HGS: variants seen among roughly 807,000 people sequenced by gnomAD.
HGS encodes human growth factor-regulated tyrosine kinase substrate.
Under a neutral mutation model 109.7 loss-of-function variants are expected in HGS, and 63 were observed. The ratio of observed to expected loss-of-function variants is 0.57; its 90% CI spans 0.47 to 0.71. HGS has a LOEUF of 0.71. HGS is among the 30% of genes least tolerant of loss of function. The pLI is 0.00. For synonymous variants in HGS, 546 were observed against 437.3 expected (o/e 1.25, Z -3.10); for missense variants, 995 against 1,068.3 (o/e 0.93, Z 0.96).
chr17:81,684,893 T>C, intron 1 of HGS: 1 of 985,072 alleles, frequency 1.0e-6, no homozygotes, highest in Non-Finnish European at 1.2e-6. Context: ...GCCACACAGG[T>C]AGTTCAGTGC....
rs78814570 is a variant in HGS at position 81,696,600 on chromosome 17, C to G, written c.1567-7C>G. 3.8e-6 allele frequency: 6 copies of G among 1,586,014 alleles called. No individual in the cohort carries two copies. In the Admixed American group the frequency reaches 7.0e-5, roughly 19 times the overall value. Reference sequence around the variant, plus strand: ...CGCAGCATAACCAGCATGTTTTTGCCGCACAGGAGTACCTGGAGGTGCAGA... The same window carrying G: ...CGCAGCATAACCAGCATGTTTTTGCGGCACAGGAGTACCTGGAGGTGCAGA... On this transcript the variant is annotated splice_region_variant and splice_polypyrimidine_tract_variant and intron_variant, in intron 16 of 21. Coordinates refer to ENST00000329138, the MANE Select transcript of HGS (RefSeq NM_004712.5).
intron 1 of HGS, 105 bp from the exon 2 acceptor site, chr17:81,685,500 T>G: frequency 1.4e-6 from 1 of 690,066 alleles, no homozygotes; most frequent in Non-Finnish European, 2.5e-6. Context: ...GGTCCAAATG[T>G]CTAAAGGGGA....
Position 81,695,959 on chromosome 17 carries a change from G to A in HGS, c.1353G>A (p.Pro451=), listed in dbSNP as rs141432636. The change falls in exon 15 of 22, where the codon CCG becomes CCA. Residue 451 remains proline (P), a synonymous_variant. Coordinates refer to ENST00000329138, the MANE Select transcript of HGS (RefSeq NM_004712.5). ...SLFQSINGMH[P]QLLELLNQLD... ...TCCAGTCCATCAACGGCATGCACCC[G>A]CAGCTGCTGGAGCTGCTCAACCAGC... 14 of 1,575,214 alleles carry A rather than the reference G, an allele frequency of 8.9e-6. No individual in the cohort carries two copies. The highest frequency in any genetic ancestry group is 2.3e-5 in the South Asian group (2 of 85,126).
rs976526704 is a variant in HGS, at chr17:81,691,799, C to G, written c.662+228C>G. 2.2e-5 allele frequency: 11 copies of G among 497,484 alleles called. No homozygotes were observed. The highest frequency in any genetic ancestry group is 3.6e-5 in the Non-Finnish European group (10 of 276,300). The allele number at this position is 497,484 out of a possible 1,614,324, so 30.8% of individuals were successfully genotyped here. A position where few individuals can be genotyped will look rare whatever the true frequency, so the allele number is the denominator to read the frequency against. ...GGCGCCGCGGCTCCAGGGACCGAGG[C>G]TGCCCCGACAAACCTGTTGCTTGGG... is the stretch of plus-strand genomic sequence containing the variant. On this transcript the variant is annotated intron_variant, in intron 8 of 21. Transcript: ENST00000329138. This position sits in a 1 kb window ranked among gnomAD's most constrained non-coding sequence, Gnocchi z 5.3.
chr17:81,691,165 C>T lies in HGS; in HGVS notation c.538-282C>T, dbSNP rs886768593. On this transcript the variant is annotated intron_variant, in intron 7 of 21. Transcript: ENST00000329138. This position sits in a 1 kb window ranked among gnomAD's most constrained non-coding sequence, Gnocchi z 5.3. ...AGCAGCTTCCAGCACCCACTGCACT[C>T]ACAAAAGCTCTTGTTTTATCAGCAG... is the stretch of plus-strand genomic sequence containing the variant. The T allele has an allele frequency of 1.5e-5, 7 of 478,586 alleles. No individual in the cohort carries two copies. Among genetic ancestry groups the T allele is most frequent in the Admixed American group, 3.3e-5 (1 of 29,906 alleles). The allele number at this position is 478,586 out of a possible 1,614,324, so 29.6% of individuals were successfully genotyped here.
rs58150169 is a variant in HGS, at chr17:81,701,782, C to T, written c.*164C>T. 8,479 of 1,009,648 alleles carry T rather than the reference C, an allele frequency of 8.4e-3. 511 individuals carry two copies. In the African/African-American group the frequency reaches 0.12, roughly 14 times the overall value. The allele number at this position is 1,009,648 out of a possible 1,614,324, so 62.5% of individuals were successfully genotyped here. ...CCAAGCCCACCTCCCTTGTCCTCAGCCTACTGCAGTCCCTGAGTTAGTCTC... is the reference window on the plus strand; with the variant it reads ...CCAAGCCCACCTCCCTTGTCCTCAGTCTACTGCAGTCCCTGAGTTAGTCTC... On this transcript the variant is annotated 3_prime_UTR_variant, in exon 22 of 22. Transcript: ENST00000329138.
chr17:81,699,585 C>T (rs2037203035), intron 18 of HGS, among the ~76,000 whole-genome samples: 1 of 152,180 alleles, frequency 6.6e-6, no homozygotes, highest in Admixed American at 6.5e-5. Context: ...GCCACCATGC[C>T]CAGCTAGTTT....
chr17:81,686,628 G>A (rs1224961483), intron 3 of HGS, among the ~76,000 whole-genome samples: 1 of 152,252 alleles, frequency 6.6e-6, no homozygotes, highest in Non-Finnish European at 1.5e-5. Context: ...TCCTGCGTGA[G>A]TAAACACCAG....
At position 81,700,744 on chromosome 17, in the gene HGS, C is replaced by T. The variant is rs368623570; in HGVS notation, c.2066C>T (p.Pro689Leu). 93 of 1,612,584 alleles carry T rather than the reference C, an allele frequency of 5.8e-5. No individual in the cohort carries two copies. Among genetic ancestry groups the T allele is most frequent in the Non-Finnish European group, 7.2e-5 (85 of 1,179,916 alleles). Reference protein sequence around the residue: ...PQSLPAISQPPQSSTMGYMGS... With the variant: ...PQSLPAISQPLQSSTMGYMGS... Reference sequence around the variant, plus strand: ...AGCCTCCCGGCCATCTCTCAGCCTCCGCAGTCCAGCACCATGGGCTACATG... The same window carrying T: ...AGCCTCCCGGCCATCTCTCAGCCTCTGCAGTCCAGCACCATGGGCTACATG... Residue 689 changes from proline to leucine, a missense_variant, in exon 20 of 22, where the codon CCG becomes CTG. Around this residue, in one of 6 missense-constraint regions of HGS, gnomAD observed 326 missense variants for 309.7 expected, o/e 1.05. Coordinates refer to ENST00000329138, the MANE Select transcript of HGS (RefSeq NM_004712.5).
In HGS at chr17:81,701,728, T is replaced by G; in HGVS notation, c.*110T>G. The G allele has an allele frequency of 7.0e-7, 1 of 1,435,104 alleles. No homozygotes were observed. The highest frequency in any genetic ancestry group is 9.2e-7 in the Non-Finnish European group (1 of 1,084,936). The allele number at this position is 1,435,104 out of a possible 1,614,324, so 88.9% of individuals were successfully genotyped here. ...TGTCCTCTACTGCCGGTAGTGTCCC[T>G]TCTCTGCGAGTGAGGGGGGGCCTTC... On this transcript the variant is annotated 3_prime_UTR_variant, in exon 22 of 22. Transcript: ENST00000329138.
chr17:81,700,845 C>G (rs2037226587), intron 20 of HGS, 31 bp downstream of exon 20: 1 of 1,598,168 alleles, frequency 6.3e-7, no homozygotes, highest in Admixed American at 1.7e-5. Flanking sequence ...TGCTGGGGGC[C>G]AGGGTGGGGG....
chr17:81,688,943 GAGGAGGGCGGTGGCCTGGAGCC>G, intron 5 of HGS, 116 bp downstream of exon 5: 1 of 1,387,822 alleles, frequency 7.2e-7, no homozygotes, highest in East Asian at 2.4e-5. Context: ...TGTTGGGAGG[GAGGAGGGCGGTGGCCTGGAGCC>G]AGGGAAGACC....
intron 10 of HGS, 42 bp from the exon 11 acceptor site, chr17:81,693,828 G>C (rs370159841): frequency 6.4e-7 from 1 of 1,567,724 alleles, no homozygotes; most frequent in Non-Finnish European, 8.6e-7. Flanking sequence ...CCGGAGGGGC[G>C]TCACGTGCAC....
chr17:81,696,049 G>A (rs759499301), intron 15 of HGS, 50 bp downstream of exon 15: 7 of 1,472,616 alleles, frequency 4.8e-6, no homozygotes, highest in Non-Finnish European at 6.4e-6. Flanking sequence ...CAGGTGTTGT[G>A]AGCGCCATCC....
At chr17:81,698,841 C>T (rs1025812928) in intron 18 of HGS, among the ~76,000 whole-genome samples, 4 of 152,244 alleles carry the variant, frequency 2.6e-5, no homozygotes, top group Admixed American at 2.0e-4. Context: ...GGCCAAGGCG[C>T]GTGGCTCACC....
At chr17:81,686,923 A>G (rs80147370) in intron 3 of HGS, 80 bp from the exon 4 acceptor site, 2 of 1,135,824 alleles carry the variant, frequency 1.8e-6, no homozygotes, top group Admixed American at 2.0e-5. Flanking sequence ...GCTGTCCCAC[A>G]GGGAGGTGGG....
At chr17:81,690,593 T>C in intron 6 of HGS, 81 bp from the exon 7 acceptor site, 6 of 1,411,234 alleles carry the variant, frequency 4.3e-6, no homozygotes, top group Non-Finnish European at 5.9e-6. Context: ...GTCCGTTGCC[T>C]TCTGTGGGGC....
chr17:81,689,719 C>G (rs56267991), intron 5 of HGS, among the ~76,000 whole-genome samples: 1 of 152,256 alleles, frequency 6.6e-6, no homozygotes, highest in African/African-American at 2.4e-5. Flanking sequence ...GGGCGCTGCA[C>G]GAGCTGCCTT....
At chr17:81,688,150 G>T (rs1040480591) in intron 4 of HGS, among the ~76,000 whole-genome samples, 1 of 151,668 alleles carries the variant, frequency 6.6e-6, no homozygotes, top group Non-Finnish European at 1.5e-5. Flanking sequence ...CGTCCTGCAC[G>T]TCACACCGGG....
Sources: gnomAD v4.1 joint callset for allele counts (sites outside exome capture counted in the v4.1 genomes callset) on GRCh38, gnomAD v4.1.1 for gene constraint, gnomAD v4.1.1 regional missense constraint, Gnocchi (gnomAD v3.1) non-coding constraint, MANE v1.5 for transcripts, NCBI Gene and HGNC (gene_info 2026-07-23, HGNC 2026-07-21) for gene names.